The following ELMO1 variants were observed in gnomAD, a reference collection of about 807,000 sequenced individuals.
ELMO1 encodes the protein engulfment and cell motility protein 1.
ELMO1 carries 26 observed loss-of-function variants against 98.9 expected under a neutral mutation model. The observed-to-expected ratio is 0.26, with a 90% CI of 0.19 to 0.36. The LOEUF (loss-of-function observed/expected upper bound fraction) is 0.36. Ranked by LOEUF, ELMO1 falls within the 10% of genes least tolerant of loss-of-function variation. The pLI is 1.00. For synonymous variants in ELMO1, 346 were observed against 346.0 expected, an observed-to-expected ratio of 1.00 and a Z score of 0.00; for missense variants, 627 against 935.2, an observed-to-expected ratio of 0.67 and a Z score of 4.30.
At chr7:37,396,161 T>C (rs1803291553) in intron 1 of ELMO1, among the ~76,000 whole-genome samples, 1 of 152,148 alleles carries the variant, frequency 6.6e-6, no homozygotes, top group South Asian at 2.1e-4. Context: ...CCATCCATCT[T>C]GTATCAGGCC....
intron 1 of ELMO1, among the ~76,000 whole-genome samples, chr7:37,396,414 G>A (rs964799661): frequency 1.3e-5 from 2 of 152,008 alleles, no homozygotes; most frequent in African/African-American, 2.4e-5. Context: ...CAAAAAAAAT[G>A]TATAATGCAT....
At chr7:36,892,562 A>C (rs902317486) in intron 17 of ELMO1, among the ~76,000 whole-genome samples, 1 of 152,178 alleles carries the variant, frequency 6.6e-6, no homozygotes, top group East Asian at 1.9e-4. Context: ...GAAATGAAAA[A>C]ATGAATGAAA....
At chr7:37,418,380 T>G (rs895032185) in intron 1 of ELMO1, among the ~76,000 whole-genome samples, 1 of 152,180 alleles carries the variant, frequency 6.6e-6, no homozygotes, top group African/African-American at 2.4e-5. Flanking sequence ...CCTCTACCCC[T>G]GACAGCAGCC....
intron 4 of ELMO1, among the ~76,000 whole-genome samples, chr7:37,276,479 C>T (rs1796839865): frequency 6.6e-6 from 1 of 152,070 alleles, no homozygotes; most frequent in Non-Finnish European, 1.5e-5. Context: ...GGCGTGGTGG[C>T]AGGCGCCTGT....
At chr7:37,261,025 G>C (rs1267712448) in intron 5 of ELMO1, among the ~76,000 whole-genome samples, 1 of 152,064 alleles carries the variant, frequency 6.6e-6, no homozygotes, top group Non-Finnish European at 1.5e-5. Context: ...AAGGATGTTT[G>C]CATTTACTAT....
At chr7:37,292,697 A>G (rs1583473603) in intron 4 of ELMO1, among the ~76,000 whole-genome samples, 1 of 85,696 alleles carries the variant, frequency 1.2e-5, no homozygotes, top group Non-Finnish European at 2.6e-5. Context: ...GGAAGTGAGG[A>G]GCGTCTCCGC....
chr7:37,432,576 CCT>C (rs1186366702), intron 1 of ELMO1, among the ~76,000 whole-genome samples: 4 of 152,142 alleles, frequency 2.6e-5, no homozygotes, highest in African/African-American at 9.7e-5. Context: ...AGCTGAAACC[CCT>C]GATAACTGCT....
chr7:37,340,501 T>C (rs574074076), intron 2 of ELMO1, among the ~76,000 whole-genome samples: 1 of 152,330 alleles, frequency 6.6e-6, no homozygotes, highest in East Asian at 1.9e-4. Context: ...ACAATTCGTA[T>C]CCCTGGATTG....
At chr7:37,064,040 G>A (rs1055446284) in intron 15 of ELMO1, among the ~76,000 whole-genome samples, 4 of 152,014 alleles carry the variant, frequency 2.6e-5, no homozygotes, top group African/African-American at 9.7e-5. Context: ...TAACTATAGA[G>A]GAGCTCCATG....
intron 16 of ELMO1, among the ~76,000 whole-genome samples, chr7:36,971,858 TTCC>T: frequency 6.6e-6 from 1 of 152,210 alleles, no homozygotes; most frequent in Non-Finnish European, 1.5e-5. Flanking sequence ...ATATTAACTT[TTCC>T]AAGAATAAGA....
chr7:37,214,054 A>G (rs1793142495), intron 11 of ELMO1, among the ~76,000 whole-genome samples: 1 of 152,238 alleles, frequency 6.6e-6, no homozygotes, highest in African/African-American at 2.4e-5. Context: ...AATGAAAGAT[A>G]AAATGACTTT....
chr7:37,170,485 A>G (rs1382425557), intron 13 of ELMO1, among the ~76,000 whole-genome samples: 2 of 152,222 alleles, frequency 1.3e-5, no homozygotes, highest in African/African-American at 2.4e-5. Flanking sequence ...CAACAGTCAG[A>G]ATTGTGTTAA....
At chr7:37,431,864 TTTTGTTTGTTTG>T (rs767247346) in intron 1 of ELMO1, among the ~76,000 whole-genome samples, 1 of 152,066 alleles carries the variant, frequency 6.6e-6, no homozygotes, top group African/African-American at 2.4e-5. Flanking sequence ...GAAGTTTGTT[TTTTGTTTGTTTG>T]TTTGTTTGTT....
chr7:37,348,623 G>A (rs745354639), intron 1 of ELMO1, among the ~76,000 whole-genome samples: 5 of 151,994 alleles, frequency 3.3e-5, no homozygotes, highest in South Asian at 2.1e-4. Flanking sequence ...TCTATAACCC[G>A]TGAACAAGCC....
chr7:37,028,507 G>A (rs1035087844), intron 15 of ELMO1, among the ~76,000 whole-genome samples: 1 of 151,938 alleles, frequency 6.6e-6, no homozygotes, highest in African/African-American at 2.4e-5. Context: ...AATATTACTG[G>A]GGAGAAAAGT....
chr7:37,047,423 G>C (rs1459089975), intron 15 of ELMO1, among the ~76,000 whole-genome samples: 1 of 152,210 alleles, frequency 6.6e-6, no homozygotes, highest in Non-Finnish European at 1.5e-5. Flanking sequence ...CTTGGCCCCA[G>C]TTAAGGCTGG....
At chr7:37,250,206 C>T (rs1343042081) in intron 6 of ELMO1, among the ~76,000 whole-genome samples, 1 of 152,098 alleles carries the variant, frequency 6.6e-6, no homozygotes, top group Non-Finnish European at 1.5e-5. Context: ...ATTAATTGTA[C>T]ATAATAAGCT....
chr7:36,918,784 A>G (rs1308120158), intron 16 of ELMO1, among the ~76,000 whole-genome samples: 1 of 152,258 alleles, frequency 6.6e-6, no homozygotes, highest in Non-Finnish European at 1.5e-5. Flanking sequence ...TGATTAGTGT[A>G]TACAGTATGG....
At chr7:37,033,674 A>T (rs1271746756) in intron 15 of ELMO1, among the ~76,000 whole-genome samples, 1 of 152,190 alleles carries the variant, frequency 6.6e-6, no homozygotes, top group Admixed American at 6.5e-5. Context: ...TGATAAGAAT[A>T]CAGAATTTGG....
Sources: gnomAD v4.1 joint callset for allele counts (sites outside exome capture counted in the v4.1 genomes callset) on GRCh38, gnomAD v4.1.1 for gene constraint, MANE v1.5 for transcripts, NCBI Gene and HGNC (gene_info 2026-07-23, HGNC 2026-07-21) for gene names.